The following ZCCHC17 variants were observed in gnomAD, a reference collection of about 807,000 sequenced individuals.
ZCCHC17 encodes zinc finger CCHC-type containing 17.
ZCCHC17 carries 18 observed loss-of-function variants against 30.6 expected under a neutral mutation model. That is an observed-to-expected ratio of 0.59 (90% CI 0.41 to 0.87). ZCCHC17 has a LOEUF of 0.87. ZCCHC17 is among the 40% of genes least tolerant of loss of function. ZCCHC17 has a pLI of 0.00. For missense variants in ZCCHC17, 263 were observed against 284.2 expected, an observed-to-expected ratio of 0.93 and a Z score of 0.54; for synonymous variants, 88 against 92.4, an observed-to-expected ratio of 0.95 and a Z score of 0.27.
At chr1:31,346,615 G>A in intron 5 of ZCCHC17, 25 bp from the exon 6 acceptor site, 1 of 1,589,662 alleles carries the variant, frequency 6.3e-7, no homozygotes, top group South Asian at 1.1e-5. Context: ...AAGGGGGCCG[G>A]CAGTCGGTAT....
intron 6 of ZCCHC17, among the ~76,000 whole-genome samples, chr1:31,348,125 C>T (rs1209671502): frequency 6.6e-6 from 1 of 152,150 alleles, no homozygotes; most frequent in Non-Finnish European, 1.5e-5. Flanking sequence ...GAATTTGTCC[C>T]AGTTAGTAAA....
chr1:31,299,002 T>C (rs1014701231), intron 1 of ZCCHC17, among the ~76,000 whole-genome samples: 4 of 152,186 alleles, frequency 2.6e-5, no homozygotes, highest in Non-Finnish European at 5.9e-5. Flanking sequence ...TTAAATAACA[T>C]GAAGATTGAA....
At chr1:31,360,888 T>C (rs1639861209) in intron 7 of ZCCHC17, among the ~76,000 whole-genome samples, 1 of 152,188 alleles carries the variant, frequency 6.6e-6, no homozygotes, top group Non-Finnish European at 1.5e-5. Context: ...TATTGTAAGA[T>C]AAGGATGCAA....
At chr1:31,318,333 G>A in intron 2 of ZCCHC17, 1 of 1,030,476 alleles carries the variant, frequency 9.7e-7, no homozygotes, top group Non-Finnish European at 1.4e-6. Flanking sequence ...GTTGGGGGAT[G>A]GGGTAGGCTA....
At chr1:31,333,849 C>G (rs1445898799) in intron 3 of ZCCHC17, among the ~76,000 whole-genome samples, 1 of 152,118 alleles carries the variant, frequency 6.6e-6, no homozygotes, top group Admixed American at 6.6e-5. Flanking sequence ...GAATAGTGTT[C>G]CCTCAAGTAT....
At chr1:31,347,807 T>G (rs1639329376) in intron 6 of ZCCHC17, among the ~76,000 whole-genome samples, 1 of 152,134 alleles carries the variant, frequency 6.6e-6, no homozygotes, top group African/African-American at 2.4e-5. Flanking sequence ...AGACGGGGTT[T>G]CCCTGTGTTG....
intron 1 of ZCCHC17, among the ~76,000 whole-genome samples, chr1:31,305,966 C>T (rs1646445618): frequency 6.6e-6 from 1 of 152,148 alleles, no homozygotes; most frequent in African/African-American, 2.4e-5. Context: ...ATTGTGGGCA[C>T]TGCTGAACCC....
Position 31,364,206 on chromosome 1 carries a change from T to G in ZCCHC17, c.*13T>G. Reference sequence around the variant, plus strand: ...GCACAAGGAGTGAGAGTATAAAGAGTGTAGGGGGTGGTTGAGAGTAAGAAA... The same window carrying G: ...GCACAAGGAGTGAGAGTATAAAGAGGGTAGGGGGTGGTTGAGAGTAAGAAA... On this transcript the variant is annotated 3_prime_UTR_variant, in exon 8 of 8. Coordinates refer to ENST00000344147, the MANE Select transcript of ZCCHC17 (RefSeq NM_016505.4). 1 of 1,605,714 alleles carries G rather than the reference T, an allele frequency of 6.2e-7. No homozygotes were observed. The highest frequency in any genetic ancestry group is 8.5e-7 in the Non-Finnish European group (1 of 1,177,326).
chr1:31,330,838 A>G (rs1236592284), intron 3 of ZCCHC17, among the ~76,000 whole-genome samples: 5 of 152,312 alleles, frequency 3.3e-5, no homozygotes, highest in Non-Finnish European at 7.3e-5. Context: ...CAAATATTTT[A>G]TATGGTGTCC....
intron 3 of ZCCHC17, 82 bp downstream of exon 3, chr1:31,319,248 A>G: frequency 3.4e-6 from 4 of 1,177,162 alleles, no homozygotes; most frequent in South Asian, 2.9e-5. Context: ...TAGGCTGTAC[A>G]TTTTTCAGAC....
intron 7 of ZCCHC17, among the ~76,000 whole-genome samples, chr1:31,356,292 G>A (rs1179415020): frequency 6.6e-6 from 1 of 152,224 alleles, no homozygotes; most frequent in Non-Finnish European, 1.5e-5. Flanking sequence ...GAAATGCAGT[G>A]TAGTCAGGCC....
At chr1:31,339,425 T>C (rs2148455782) in intron 5 of ZCCHC17, among the ~76,000 whole-genome samples, 1 of 152,284 alleles carries the variant, frequency 6.6e-6, no homozygotes, top group East Asian at 1.9e-4. Flanking sequence ...CTAGAGTCTC[T>C]TGAACCCAGG....
chr1:31,337,642 T>C (rs377325544), intron 4 of ZCCHC17, among the ~76,000 whole-genome samples: 16 of 152,124 alleles, frequency 1.1e-4, no homozygotes, highest in Non-Finnish European at 7.4e-5. Context: ...ACACTTCAGT[T>C]TGGGACAAAA....
At chr1:31,321,442 T>A (rs968732366) in intron 3 of ZCCHC17, among the ~76,000 whole-genome samples, 1 of 152,242 alleles carries the variant, frequency 6.6e-6, no homozygotes, top group Non-Finnish European at 1.5e-5. Context: ...GTCTCGTATG[T>A]CTTTATTAGC....
At chr1:31,298,329 G>A (rs368048381) in intron 1 of ZCCHC17, among the ~76,000 whole-genome samples, 3 of 152,046 alleles carry the variant, frequency 2.0e-5, no homozygotes, top group African/African-American at 7.2e-5. Flanking sequence ...TCACTATCAC[G>A]GAATCCCTCA....
rs190384385 is a variant in ZCCHC17 at position 31,334,280 on chromosome 1, G to A, written c.125-2895G>A. Among the ~76,000 whole-genome samples, 17 of 146,076 alleles carry A rather than the reference G, an allele frequency of 1.2e-4. No individual in the cohort carries two copies. The East Asian group carries it at 2.4e-3, about 21-fold the overall frequency. ...GAAAGGGCAGGTATTTTGAGTTTCA[G>A]GCATCTGCAGGCATCCATGTGCATC... On this transcript the variant is annotated intron_variant, in intron 3 of 7. Transcript: ENST00000344147.
intron 5 of ZCCHC17, among the ~76,000 whole-genome samples, chr1:31,339,265 G>T (rs1435242675): frequency 6.6e-6 from 1 of 152,234 alleles, no homozygotes; most frequent in Non-Finnish European, 1.5e-5. Context: ...GGAAGCCGAG[G>T]TGGGCGGATC....
intron 7 of ZCCHC17, among the ~76,000 whole-genome samples, chr1:31,359,782 C>T (rs968519201): frequency 6.6e-6 from 1 of 152,134 alleles, no homozygotes; most frequent in African/African-American, 2.4e-5. Context: ...CATGGGCTCA[C>T]ACTCCTATGC....
chr1:31,352,402 T>A (rs1639500035), intron 7 of ZCCHC17, among the ~76,000 whole-genome samples: 1 of 152,242 alleles, frequency 6.6e-6, no homozygotes, highest in African/African-American at 2.4e-5. Flanking sequence ...CTTATTTCAC[T>A]TAGCATAATG....
Sources: allele counts gnomAD v4.1 joint callset (sites outside exome capture counted in the v4.1 genomes callset), GRCh38; gene constraint gnomAD v4.1.1; transcripts MANE v1.5; gene names NCBI Gene and HGNC (gene_info 2026-07-23, HGNC 2026-07-21).